STK32B: variants seen among roughly 807,000 people sequenced by gnomAD.
STK32B encodes the protein serine/threonine-protein kinase 32B.
A neutral mutation model predicts 52.6 loss-of-function variants in STK32B; 43 were observed. The observed-to-expected ratio is 0.82, with a 90% CI of 0.64 to 1.05. STK32B has a LOEUF of 1.05. Among genes scored for constraint, STK32B ranks in the 50% least tolerant of loss-of-function variants. The pLI, the probability that STK32B is intolerant of heterozygous loss-of-function variation, is 0.00. For synonymous variants in STK32B, 238 were observed against 204.3 expected, an observed-to-expected ratio of 1.17 and a Z score of -1.41; for missense variants, 621 against 534.6, an observed-to-expected ratio of 1.16 and a Z score of -1.59.
upstream of STK32B, among the ~76,000 whole-genome samples, chr4:5,046,942 G>C (rs749221507): frequency 6.6e-6 from 1 of 152,132 alleles, no homozygotes; most frequent in African/African-American, 2.4e-5. Flanking sequence ...ATTTCTCAAC[G>C]ATCTAGAGTG....
chr4:5,056,566 C>T (rs7696289), intron 1 of STK32B, among the ~76,000 whole-genome samples: 8,146 of 152,290 alleles, frequency 0.053, 693 homozygotes, highest in African/African-American at 0.18. Context: ...TATTCTCAGG[C>T]GGGCTCTCTC....
At chr4:5,486,604 C>G (rs543667274) in intron 11 of STK32B, among the ~76,000 whole-genome samples, 1 of 152,344 alleles carries the variant, frequency 6.6e-6, no homozygotes, top group South Asian at 2.1e-4. Context: ...CACCCACTGT[C>G]CAACACTCCC....
chr4:5,357,601 T>C (rs186230245), intron 4 of STK32B, among the ~76,000 whole-genome samples: 4 of 152,000 alleles, frequency 2.6e-5, no homozygotes, highest in Admixed American at 2.0e-4. Context: ...TCTGAACATA[T>C]ATTTACTAAT....
At chr4:5,333,344 T>A (rs996991736) in intron 4 of STK32B, among the ~76,000 whole-genome samples, 10 of 152,160 alleles carry the variant, frequency 6.6e-5, no homozygotes, top group Non-Finnish European at 1.3e-4. Flanking sequence ...TTCTTGTAAA[T>A]TTGTTTGAGT....
intron 11 of STK32B, among the ~76,000 whole-genome samples, chr4:5,491,687 T>C (rs1311074059): frequency 1.3e-5 from 2 of 152,142 alleles, no homozygotes; most frequent in Non-Finnish European, 2.9e-5. Flanking sequence ...GCCTAGGTTT[T>C]CTTCTAGGGT....
At chr4:5,054,248 C>G (rs1198697482) in intron 1 of STK32B, among the ~76,000 whole-genome samples, 1 of 152,040 alleles carries the variant, frequency 6.6e-6, no homozygotes, top group Non-Finnish European at 1.5e-5. Flanking sequence ...CAATTTGCTC[C>G]CAGAGCAAGT....
chr4:5,024,645 A>C, the STK32B span, among the ~76,000 whole-genome samples: 1 of 152,132 alleles, frequency 6.6e-6, no homozygotes, highest in Non-Finnish European at 1.5e-5. Flanking sequence ...AAGCCTCCTC[A>C]GCCCTGACAT....
chr4:5,442,767 T>G (rs1475832882), intron 6 of STK32B, among the ~76,000 whole-genome samples: 8 of 150,592 alleles, frequency 5.3e-5, no homozygotes, highest in Admixed American at 2.0e-4. Context: ...CATGTTTAGT[T>G]CTTCCTTCAG....
At chr4:5,393,202 T>C (rs78543247) in intron 4 of STK32B, among the ~76,000 whole-genome samples, 4,204 of 152,246 alleles carry the variant, frequency 0.028, 159 homozygotes, top group East Asian at 0.083. Context: ...CATCCTTCCC[T>C]AGTGCCTGTT....
intron 6 of STK32B, among the ~76,000 whole-genome samples, chr4:5,433,176 A>AAGGAGGATAGAG (rs59384817): frequency 0.52 from 78,299 of 151,082 alleles, 20,398 homozygotes; most frequent in South Asian, 0.64. Flanking sequence ...AGAGGATAGA[A>AAGGAGGATAGAG]AGGAGGATAG....
At chr4:5,316,786 CATATATA>C (rs1247148249) in intron 3 of STK32B, among the ~76,000 whole-genome samples, 2 of 132 alleles carry the variant, frequency 0.015, no homozygotes, top group Non-Finnish European at 0.019. Flanking sequence ...ATATATTATA[CATATATA>C]TTATATATTA....
intron 11 of STK32B, among the ~76,000 whole-genome samples, chr4:5,493,582 G>T (rs1488051028): frequency 6.6e-6 from 1 of 152,014 alleles, no homozygotes; most frequent in African/African-American, 2.4e-5. Context: ...ATTTCCTTCA[G>T]TTCTGCTCTG....
chr4:5,447,909 C>G (rs1715613763), intron 7 of STK32B, among the ~76,000 whole-genome samples: 1 of 152,216 alleles, frequency 6.6e-6, no homozygotes, highest in Non-Finnish European at 1.5e-5. Context: ...CAGATTCTCC[C>G]ACAGGCTACA....
chr4:5,244,470 C>A (rs1488543626), intron 3 of STK32B, among the ~76,000 whole-genome samples: 1 of 151,950 alleles, frequency 6.6e-6, no homozygotes, highest in Non-Finnish European at 1.5e-5. Flanking sequence ...TCTCTCTTTT[C>A]TTCTTTATTA....
rs892629872 is a variant in STK32B at position 5,396,875 on chromosome 4, A to G, written c.435-1332A>G. Among the ~76,000 whole-genome samples, 1 of 152,156 alleles carries G rather than the reference A, an allele frequency of 6.6e-6. No individual in the cohort carries two copies. Among genetic ancestry groups the G allele is most frequent in the African/African-American group, 2.4e-5 (1 of 41,424 alleles). The stretch of plus-strand genomic sequence containing the variant: ...GTCTTCTGCCTTTTGTTTTAATTTT[A>G]TAAGTTCTCAAGTTCATCCCTCCCA... On this transcript the variant is annotated intron_variant, in intron 4 of 11. Transcript: ENST00000282908. The surrounding 1 kb of genome is among the most constrained non-coding windows in gnomAD (Gnocchi z 4.7).
chr4:5,064,324 T>A (rs1480137473), intron 1 of STK32B, among the ~76,000 whole-genome samples: 1 of 143,410 alleles, frequency 7.0e-6, no homozygotes, highest in Non-Finnish European at 1.5e-5. Context: ...AATATATAAT[T>A]CTGTACTTAC....
intron 3 of STK32B, among the ~76,000 whole-genome samples, chr4:5,192,731 T>A (rs1429359137): frequency 3.8e-5 from 4 of 104,002 alleles, no homozygotes; most frequent in African/African-American, 1.1e-4. Flanking sequence ...TTGTGTGTGG[T>A]GAGAACACCG....
At position 5,480,306 on chromosome 4, in the gene STK32B, G is replaced by A. The variant is rs1471375233; in HGVS notation, c.1106+12236G>A. Among the ~76,000 whole-genome samples, 3 of 152,284 alleles carry A rather than the reference G, an allele frequency of 2.0e-5. No homozygotes were observed. The East Asian group carries it at 5.8e-4, about 29-fold the overall frequency. On this transcript the variant is annotated intron_variant, in intron 11 of 11. Transcript: ENST00000282908. ...CCGTGGCCCATGACACAGCCCTCAG[G>A]AGGTCCTGAGAACATATATGTGCCC...
intron 3 of STK32B, among the ~76,000 whole-genome samples, chr4:5,329,663 A>G (rs1001426261): frequency 1.3e-5 from 2 of 152,190 alleles, no homozygotes; most frequent in Non-Finnish European, 2.9e-5. Context: ...TCTTTGTCCC[A>G]GTGTCCCCAG....
Sources: allele counts gnomAD v4.1 joint callset (sites outside exome capture counted in the v4.1 genomes callset), GRCh38; gene constraint gnomAD v4.1.1; non-coding constraint Gnocchi (gnomAD v3.1); transcripts MANE v1.5; gene names NCBI Gene and HGNC (gene_info 2026-07-23, HGNC 2026-07-21).